Variants in SH3PXD2A observed in about 807,000 individuals in gnomAD.
SH3PXD2A encodes the protein SH3 and PX domain-containing protein 2A.
A neutral mutation model predicts 115.2 loss-of-function variants in SH3PXD2A; 32 were observed. The observed-to-expected ratio is 0.28, with a 90% confidence interval of 0.21 to 0.37. The LOEUF (loss-of-function observed/expected upper bound fraction) is 0.37. Among genes scored for constraint, SH3PXD2A ranks in the 10% least tolerant of loss-of-function variants. The pLI is 1.00. For synonymous variants in SH3PXD2A, 610 were observed against 629.1 expected (o/e 0.97, Z 0.45); for missense variants, 1,328 against 1,498.7 (o/e 0.89, Z 1.88).
rs1401322483 is a variant in SH3PXD2A at position 103,602,809 on chromosome 10, G to C, written c.2409C>G (p.Pro803=). Reference sequence around the variant, plus strand: ...TGGGAGCCTCGGAGGCCGTCTGCGGGGGCAGCTCCGAATCCTCACTCTTGG... The same window carrying C: ...TGGGAGCCTCGGAGGCCGTCTGCGGCGGCAGCTCCGAATCCTCACTCTTGG... ...KGSKSEDSEL[P]PQTASEAPSE... is the part of the protein sequence containing the mutation. The change falls in exon 15 of 15, where the codon CCC becomes CCG. Residue 803 remains proline, a synonymous_variant. Transcript: ENST00000369774. 1 of 1,614,154 alleles carries C rather than the reference G, an allele frequency of 6.2e-7. No homozygotes were observed. Among genetic ancestry groups the C allele is most frequent in the Non-Finnish European group, 8.5e-7 (1 of 1,180,036 alleles).
rs753451065 is a variant in SH3PXD2A at position 103,612,971 on chromosome 10, C to T, written c.1140G>A (p.Leu380=). 6.2e-7 allele frequency: 1 copy of T among 1,614,136 alleles called. No homozygotes were observed. ...CATTGGAGGCATTGCAGAGGATGGG[C>T]AGGCTGATCTCCTTCTTGGCAATGG... The part of the protein sequence containing the change: ...EAPIAKKEIS[L]PILCNASNGS... Residue 380 remains leucine (L), a synonymous_variant, in exon 12 of 15, where the codon CTG becomes CTA. Transcript: ENST00000369774.
chr10:103,682,347 G>A (rs1390057486), intron 6 of SH3PXD2A, among the ~76,000 whole-genome samples: 1 of 152,244 alleles, frequency 6.6e-6, no homozygotes, highest in Non-Finnish European at 1.5e-5. Context: ...CACGTGGGCT[G>A]GCCGCAGAGT....
intron 9 of SH3PXD2A, among the ~76,000 whole-genome samples, chr10:103,626,747 T>C (rs889691139): frequency 2.1e-5 from 3 of 140,880 alleles, no homozygotes. Context: ...GCCAACATGG[T>C]GAAAGCCTGT....
intron 2 of SH3PXD2A, among the ~76,000 whole-genome samples, chr10:103,790,159 CTT>C (rs1267623695): frequency 2.1e-5 from 3 of 144,906 alleles, no homozygotes; most frequent in Admixed American, 1.4e-4. Flanking sequence ...AGAGGACTTT[CTT>C]TTTTTTTTTT....
chr10:103,645,310 C>T (rs192837058), intron 8 of SH3PXD2A, among the ~76,000 whole-genome samples: 4 of 152,342 alleles, frequency 2.6e-5, no homozygotes, highest in Admixed American at 2.6e-4. Context: ...GCAACTTCTG[C>T]TCTGCTAGAA....
rs895254197 is a variant in SH3PXD2A at position 103,599,888 on chromosome 10, G to T, written c.*1928C>A. On this transcript the variant is annotated 3_prime_UTR_variant, in exon 15 of 15. Coordinates refer to ENST00000369774, the MANE Select transcript of SH3PXD2A (RefSeq NM_001394015.1). Reference sequence around the variant, plus strand: ...AGGAAACAAAACAATCTCACCACAGGCCTTCGACAAAGAACACGAGCCATT... The same window carrying T: ...AGGAAACAAAACAATCTCACCACAGTCCTTCGACAAAGAACACGAGCCATT... The T allele has an allele frequency of 2.0e-5, 3 of 152,358 alleles. No homozygotes were observed. The highest frequency in any genetic ancestry group is 7.3e-5 in the African/African-American group (3 of 41,352). The allele number at this position is 152,358 out of a possible 1,614,324, so 9.4% of individuals were successfully genotyped here.
intron 2 of SH3PXD2A, among the ~76,000 whole-genome samples, chr10:103,778,195 C>T (rs552057921): frequency 2.7e-4 from 41 of 151,954 alleles, no homozygotes; most frequent in African/African-American, 8.2e-4. Flanking sequence ...TAGCTGGGCA[C>T]GGTGGCGGAT....
intron 3 of SH3PXD2A, among the ~76,000 whole-genome samples, chr10:103,750,546 G>A (rs573862563): frequency 1.3e-5 from 2 of 152,322 alleles, no homozygotes; most frequent in South Asian, 2.1e-4. Flanking sequence ...GGGATGGACA[G>A]GGCGAGAGTC....
intron 1 of SH3PXD2A, among the ~76,000 whole-genome samples, chr10:103,853,278 C>T (rs1842912801): frequency 6.6e-6 from 1 of 152,192 alleles, no homozygotes; most frequent in Admixed American, 6.5e-5. Flanking sequence ...ATCTTTCTTC[C>T]TTTTTGCCAG....
chr10:103,728,945 T>C (rs756825034), intron 4 of SH3PXD2A, among the ~76,000 whole-genome samples: 13 of 148,158 alleles, frequency 8.8e-5, no homozygotes, highest in Non-Finnish European at 1.6e-4. Flanking sequence ...CAGGCTAGAG[T>C]GCAATGGCCC....
intron 2 of SH3PXD2A, among the ~76,000 whole-genome samples, chr10:103,793,703 A>G (rs2039058812): frequency 6.6e-6 from 1 of 152,246 alleles, no homozygotes; most frequent in Non-Finnish European, 1.5e-5. Flanking sequence ...CCTTGGTACA[A>G]GATCATTCTT....
chr10:103,690,040 C>T (rs964865894), intron 6 of SH3PXD2A, among the ~76,000 whole-genome samples: 8 of 152,112 alleles, frequency 5.3e-5, no homozygotes, highest in African/African-American at 1.9e-4. Flanking sequence ...AGAACAGAGC[C>T]CTAAACATGG....
chr10:103,638,695 C>A (rs1417818751), intron 8 of SH3PXD2A, among the ~76,000 whole-genome samples: 1 of 152,252 alleles, frequency 6.6e-6, no homozygotes, highest in East Asian at 1.9e-4. Context: ...ATTAGAGGAG[C>A]TAATCCTTGA....
chr10:103,678,798 GCCT>G (rs763553781), intron 6 of SH3PXD2A, among the ~76,000 whole-genome samples: 1 of 152,208 alleles, frequency 6.6e-6, no homozygotes, highest in Non-Finnish European at 1.5e-5. Flanking sequence ...AAGATTCATG[GCCT>G]CCTTTGTCTC....
chr10:103,678,326 A>T (rs142466220), intron 6 of SH3PXD2A: 1 of 159,798 alleles, frequency 6.3e-6, no homozygotes, highest in East Asian at 1.9e-4. Flanking sequence ...GCGCACGCAC[A>T]CACCACTGCT....
chr10:103,696,248 T>C (rs993853152), intron 5 of SH3PXD2A, among the ~76,000 whole-genome samples: 1 of 152,238 alleles, frequency 6.6e-6, no homozygotes, highest in Non-Finnish European at 1.5e-5. Context: ...GGAGACCTTC[T>C]GGAAGTTTCC....
chr10:103,610,213 A>C (rs993632256), intron 13 of SH3PXD2A, among the ~76,000 whole-genome samples: 1 of 152,242 alleles, frequency 6.6e-6, no homozygotes, highest in African/African-American at 2.4e-5. Context: ...TCCTGGCCCC[A>C]GGGCCTGGCT....
In SH3PXD2A at chr10:103,835,185, C is replaced by T. The variant is rs531819455; in HGVS notation, c.72+20010G>A. Among the ~76,000 whole-genome samples, 72 of 152,184 alleles carry T rather than the reference C, an allele frequency of 4.7e-4. 1 individual carries two copies. Among genetic ancestry groups the T allele is most frequent in the Non-Finnish European group, 8.8e-4 (60 of 68,028 alleles). On this transcript the variant is annotated intron_variant, in intron 1 of 14. Transcript: ENST00000369774. ...AGCCCTCTCCCAGCAGCTCTGGAAACCAAAGGGTACGAAAGGCCCAGGCTG... is the reference window on the plus strand; with the variant it reads ...AGCCCTCTCCCAGCAGCTCTGGAAATCAAAGGGTACGAAAGGCCCAGGCTG...
intron 5 of SH3PXD2A, among the ~76,000 whole-genome samples, chr10:103,714,494 GCTTCC>G (rs2038082796): frequency 6.6e-6 from 1 of 152,178 alleles, no homozygotes; most frequent in Admixed American, 6.5e-5. Flanking sequence ...GTTTGAATCT[GCTTCC>G]CTCCAGCTCG....
Sources: gnomAD v4.1 joint callset for allele counts (sites outside exome capture counted in the v4.1 genomes callset) on GRCh38, gnomAD v4.1.1 for gene constraint, MANE v1.5 for transcripts, NCBI Gene and HGNC (gene_info 2026-07-23, HGNC 2026-07-21) for gene names.